GSE1: variants seen among roughly 807,000 people sequenced by gnomAD.
The protein encoded by GSE1 is Gse1 coiled-coil protein, also known as genetic suppressor element 1.
A neutral mutation model predicts 112.6 loss-of-function variants in GSE1; 32 were observed. That is an observed-to-expected ratio of 0.28 (90% CI 0.21 to 0.38). GSE1 has a LOEUF of 0.38. Ranked by LOEUF, GSE1 falls within the 10% of genes least tolerant of loss-of-function variation. GSE1 has a pLI of 1.00. For missense variants in GSE1, 2,348 were observed against 1,699.2 expected (o/e 1.38, Z -6.71); for synonymous variants, 1,115 against 735.6 (o/e 1.52, Z -8.35).
At chr16:85,169,881 C>T in exon 1 of GSE1, 1 of 984,426 alleles carries the variant, frequency 1.0e-6, no homozygotes, top group Non-Finnish European at 1.2e-6. Context: ...AGCGGCCCCA[C>T]CAGTGCGACG....
intron 2 of GSE1, among the ~76,000 whole-genome samples, chr16:85,386,198 G>A (rs1003198367): frequency 7.2e-5 from 11 of 152,216 alleles, no homozygotes; most frequent in Admixed American, 3.3e-4. Context: ...TTTGGGCTCA[G>A]CATTGTGGCC....
Position 85,595,874 on chromosome 16 carries a change from A to G in GSE1, c.37+39511A>G, listed in dbSNP as rs945175403. On this transcript the variant is annotated intron_variant, in intron 1 of 2. Transcript: ENST00000635906. The stretch of plus-strand genomic sequence containing the variant: ...CATCCATCCACCCACCCACTTTTCT[A>G]TCTGCCCACCCACCCATTCCTCCAT... Among the ~76,000 whole-genome samples, 60 of 106,056 alleles carry G rather than the reference A, an allele frequency of 5.7e-4. No individual in the cohort carries two copies. The East Asian group carries it at 0.016, about 27-fold the overall frequency. 69.6% of individuals were successfully genotyped at this position (106,056 alleles called of 152,430 possible).
At chr16:85,245,454 T>A (rs1256315915) in intron 1 of GSE1, among the ~76,000 whole-genome samples, 1 of 152,136 alleles carries the variant, frequency 6.6e-6, no homozygotes, top group Non-Finnish European at 1.5e-5. Flanking sequence ...ACATACCCAT[T>A]CATGTGTCCT....
rs1452926833 is a variant in GSE1, at chr16:85,332,571, G to A, written c.2284-24892G>A. Among the ~76,000 whole-genome samples, 9 of 152,098 alleles carry A rather than the reference G, an allele frequency of 5.9e-5. No individual in the cohort carries two copies. In the East Asian group the frequency reaches 1.2e-3, roughly 20 times the overall value. On this transcript the variant is annotated intron_variant, in intron 1 of 2. Coordinates refer to the GSE1 transcript ENST00000637419. ...AGCCCCCTCCCCGTGTGCCTCCCCC[G>A]ACCCTCAGCTGGTGGGACTGAGAAG...
At chr16:85,241,206 C>T (rs573940465) in intron 1 of GSE1, among the ~76,000 whole-genome samples, 1 of 152,188 alleles carries the variant, frequency 6.6e-6, no homozygotes, top group African/African-American at 2.4e-5. Context: ...ACCTTGGGCT[C>T]GTTGCTTCTC....
chr16:85,548,243 A>G (rs867285935), intron 2 of GSE1, among the ~76,000 whole-genome samples: 48 of 132,220 alleles, frequency 3.6e-4, no homozygotes, highest in South Asian at 3.5e-3. Context: ...AAAAAAAAAA[A>G]AAAGAAAGAA....
chr16:85,646,976 C>G (rs183010699), intron 2 of GSE1, among the ~76,000 whole-genome samples: 26 of 152,116 alleles, frequency 1.7e-4, no homozygotes, highest in Admixed American at 4.6e-4. Context: ...TTGGACACCC[C>G]CTACCCCTGC....
intron 2 of GSE1, among the ~76,000 whole-genome samples, chr16:85,463,458 G>T (rs951003166): frequency 1.3e-5 from 2 of 152,214 alleles, no homozygotes; most frequent in Non-Finnish European, 2.9e-5. Flanking sequence ...TTGCTGCACC[G>T]CAGGGCTCTG....
At chr16:85,279,351 T>C (rs2044786141) in intron 1 of GSE1, among the ~76,000 whole-genome samples, 2 of 152,240 alleles carry the variant, frequency 1.3e-5, no homozygotes, top group Non-Finnish European at 2.9e-5. Context: ...CTCATGCCTG[T>C]AATCCCAGTA....
At chr16:85,624,565 A>G (rs2048945842) in intron 1 of GSE1, among the ~76,000 whole-genome samples, 2 of 152,212 alleles carry the variant, frequency 1.3e-5, no homozygotes, top group Admixed American at 1.3e-4. Flanking sequence ...GACGCCAGCC[A>G]TTTCCAATCT....
At chr16:85,389,015 G>C (rs898383772) in intron 2 of GSE1, among the ~76,000 whole-genome samples, 2 of 152,198 alleles carry the variant, frequency 1.3e-5, no homozygotes, top group Non-Finnish European at 2.9e-5. Flanking sequence ...GATGTTGAGG[G>C]TAATCTCTGA....
intron 2 of GSE1, among the ~76,000 whole-genome samples, chr16:85,545,416 GT>G (rs1269183911): frequency 6.6e-6 from 1 of 152,178 alleles, no homozygotes; most frequent in Non-Finnish European, 1.5e-5. Flanking sequence ...TGCCCTTCCT[GT>G]TTTTTGTTTG....
chr16:85,237,655 G>A (rs1904796341), intron 1 of GSE1, among the ~76,000 whole-genome samples: 2 of 152,130 alleles, frequency 1.3e-5, no homozygotes, highest in South Asian at 4.2e-4. Flanking sequence ...TGGCTAACAA[G>A]GTGAAACCCC....
intron 2 of GSE1, chr16:85,463,133 C>G (rs904369431): frequency 2.0e-6 from 2 of 983,442 alleles, no homozygotes; most frequent in Non-Finnish European, 2.4e-6. Flanking sequence ...TCAGTAAGTG[C>G]CCAGCTCACC....
chr16:85,655,064 G>A (rs1054770190), intron 5 of GSE1, 73 bp downstream of exon 5: 19 of 1,005,788 alleles, frequency 1.9e-5, no homozygotes, highest in Middle Eastern at 4.2e-4. Context: ...TGGCGGGGAA[G>A]GTGTTTCTTA....
intron 1 of GSE1, among the ~76,000 whole-genome samples, chr16:85,562,559 C>T (rs1439353939): frequency 6.6e-6 from 1 of 152,228 alleles, no homozygotes; most frequent in East Asian, 1.9e-4. Context: ...GAATGCGTGT[C>T]CTTCTACGCA....
chr16:85,486,815 C>T (rs2050857303), intron 2 of GSE1, among the ~76,000 whole-genome samples: 1 of 152,256 alleles, frequency 6.6e-6, no homozygotes, highest in African/African-American at 2.4e-5. Flanking sequence ...CCCTCTCCCT[C>T]CCTCCCGGCA....
At chr16:85,383,497 G>GCACACACA (rs11473067) in intron 2 of GSE1, among the ~76,000 whole-genome samples, 2 of 147,842 alleles carry the variant, frequency 1.4e-5, no homozygotes, top group Admixed American at 6.7e-5. Context: ...AGAGCTCCCA[G>GCACACACA]CACACACACA....
chr16:85,506,360 G>C (rs2051534813), intron 2 of GSE1, among the ~76,000 whole-genome samples: 1 of 152,166 alleles, frequency 6.6e-6, no homozygotes, highest in African/African-American at 2.4e-5. Context: ...GGCTGTATGT[G>C]GGGGTGGGGA....
Sources: gnomAD v4.1 joint callset for allele counts (sites outside exome capture counted in the v4.1 genomes callset) on GRCh38, gnomAD v4.1.1 for gene constraint, MANE v1.5 for transcripts, NCBI Gene and HGNC (gene_info 2026-07-23, HGNC 2026-07-21) for gene names.